The following SLC25A48 variants were observed in gnomAD, a reference collection of about 807,000 sequenced individuals.
SLC25A48 encodes CTC-321K16.1.
SLC25A48 carries 29 observed loss-of-function variants against 32.2 expected under a neutral mutation model. The ratio of observed to expected loss-of-function variants is 0.90; its 90% CI spans 0.67 to 1.23. The LOEUF is 1.23. SLC25A48 is among the 50% of genes most tolerant of loss of function. The pLI is 0.00. For missense variants in SLC25A48, 399 were observed against 422.7 expected, an observed-to-expected ratio of 0.94 and a Z score of 0.49; for synonymous variants, 164 against 172.3, an observed-to-expected ratio of 0.95 and a Z score of 0.38.
intron 3 of SLC25A48, among the ~76,000 whole-genome samples, chr5:135,645,551 G>A (rs1158067914): frequency 2.0e-5 from 3 of 152,178 alleles, no homozygotes; most frequent in Non-Finnish European, 4.4e-5. Context: ...ACATGGTTGC[G>A]CAAGTGCCCT....
intron 3 of SLC25A48, among the ~76,000 whole-genome samples, chr5:135,736,415 G>C (rs1755361373): frequency 6.6e-6 from 1 of 152,118 alleles, no homozygotes; most frequent in South Asian, 2.1e-4. Flanking sequence ...TCAGGTGTGA[G>C]TTGAGGAGGT....
In SLC25A48 at chr5:135,753,385, C is replaced by T. The variant is rs373781569; in HGVS notation, c.-520-59138C>T. ...CTCGAGGACGTTATGCTTAGTATCA[C>T]GGGCTGTACACACAGAGCGCAAACC... On this transcript the variant is annotated intron_variant, in intron 3 of 10. Transcript: ENST00000646290. 3.4e-4 allele frequency among the ~76,000 whole-genome samples: 52 copies of T among 151,968 alleles called. 1 individual carries two copies. The highest frequency in any genetic ancestry group is 9.8e-4 in the Admixed American group (15 of 15,256).
chr5:135,854,844 C>T lies in SLC25A48; in HGVS notation c.421+2023C>T, dbSNP rs186096205. ...CCTGTCTCCGCTTTCAACATGACTTCCTCACTAAGTTTAATCATCTCTAGC... is the reference window on the plus strand; with the variant it reads ...CCTGTCTCCGCTTTCAACATGACTTTCTCACTAAGTTTAATCATCTCTAGC... On this transcript the variant is annotated intron_variant, in intron 4 of 7. Coordinates refer to ENST00000681962, the MANE Select transcript of SLC25A48 (RefSeq NM_001349336.2). Among the ~76,000 whole-genome samples, 16 of 152,350 alleles carry T rather than the reference C, an allele frequency of 1.1e-4. No homozygotes were observed. In the East Asian group the frequency reaches 2.7e-3, roughly 26 times the overall value.
intron 3 of SLC25A48, among the ~76,000 whole-genome samples, chr5:135,731,468 GGAGA>G (rs772009853): frequency 2.6e-5 from 4 of 152,230 alleles, no homozygotes; most frequent in Non-Finnish European, 5.9e-5. Flanking sequence ...GGGGTGCTAT[GGAGA>G]GATAATGGGC....
chr5:135,694,193 T>A (rs541858972), intron 3 of SLC25A48, among the ~76,000 whole-genome samples: 5 of 152,272 alleles, frequency 3.3e-5, no homozygotes, highest in African/African-American at 1.2e-4. Context: ...GGCTTCTGGA[T>A]GAAACACCAC....
intron 3 of SLC25A48, among the ~76,000 whole-genome samples, chr5:135,759,233 A>G (rs570750236): frequency 6.6e-6 from 1 of 152,288 alleles, no homozygotes; most frequent in East Asian, 1.9e-4. Context: ...GTGTATATAT[A>G]TATGAAATAA....
chr5:135,823,930 G>GA (rs1230903606), intron 4 of SLC25A48, among the ~76,000 whole-genome samples: 21 of 152,216 alleles, frequency 1.4e-4, no homozygotes, highest in African/African-American at 4.6e-4. Flanking sequence ...AGAGTGAAGG[G>GA]AATATGAGTT....
chr5:135,824,476 C>T (rs1189057965), intron 4 of SLC25A48: 1 of 152,314 alleles, frequency 6.6e-6, no homozygotes, highest in Non-Finnish European at 1.5e-5. Context: ...GACCCAGGAC[C>T]CTTGTCCTCC....
At chr5:135,754,392 T>C (rs1485304375) in intron 3 of SLC25A48, among the ~76,000 whole-genome samples, 1 of 152,112 alleles carries the variant, frequency 6.6e-6, no homozygotes, top group Non-Finnish European at 1.5e-5. Flanking sequence ...AATATCCCTC[T>C]GGTATTTATC....
intron 3 of SLC25A48, among the ~76,000 whole-genome samples, chr5:135,699,368 A>G (rs1754336533): frequency 6.6e-6 from 1 of 150,920 alleles, no homozygotes; most frequent in African/African-American, 2.4e-5. Flanking sequence ...AACACCTGCA[A>G]CAATATGGAT....
intron 3 of SLC25A48, among the ~76,000 whole-genome samples, chr5:135,777,104 A>C (rs1756584124): frequency 6.6e-6 from 1 of 151,758 alleles, no homozygotes; most frequent in Non-Finnish European, 1.5e-5. Flanking sequence ...TATTGTTTTT[A>C]ATATCCAGGC....
At chr5:135,588,062 G>A (rs1751413212) in intron 1 of SLC25A48, among the ~76,000 whole-genome samples, 1 of 152,250 alleles carries the variant, frequency 6.6e-6, no homozygotes, top group African/African-American at 2.4e-5. Flanking sequence ...ACCACGGAAA[G>A]CAGGGCGGGT....
intron 7 of SLC25A48, among the ~76,000 whole-genome samples, chr5:135,884,086 C>T (rs1468172694): frequency 6.6e-6 from 1 of 152,214 alleles, no homozygotes; most frequent in Non-Finnish European, 1.5e-5. Flanking sequence ...ATCTATTTGC[C>T]ATCCCTGGCT....
chr5:135,759,404 G>A (rs1397001572), intron 3 of SLC25A48, among the ~76,000 whole-genome samples: 1 of 152,140 alleles, frequency 6.6e-6, no homozygotes, highest in Non-Finnish European at 1.5e-5. Flanking sequence ...GAGCATTTGA[G>A]TTGTTCCCTG....
chr5:135,683,471 T>G (rs2126952132), intron 3 of SLC25A48, among the ~76,000 whole-genome samples: 1 of 152,016 alleles, frequency 6.6e-6, no homozygotes, highest in African/African-American at 2.4e-5. Context: ...CATGTTGCAG[T>G]TCTGTATTTA....
intron 1 of SLC25A48, among the ~76,000 whole-genome samples, chr5:135,581,475 C>T (rs1007496492): frequency 1.3e-5 from 2 of 152,184 alleles, no homozygotes; most frequent in Non-Finnish European, 1.5e-5. Context: ...AAAGGAATTT[C>T]TTAAATACCA....
At chr5:135,841,287 T>C (rs1416578476) in intron 1 of SLC25A48, among the ~76,000 whole-genome samples, 2 of 152,244 alleles carry the variant, frequency 1.3e-5, no homozygotes, top group Admixed American at 6.5e-5. Context: ...GTTCTTCCTA[T>C]ATATGAATAC....
chr5:135,709,031 G>A (rs935941991), intron 3 of SLC25A48, among the ~76,000 whole-genome samples: 9 of 152,192 alleles, frequency 5.9e-5, no homozygotes, highest in South Asian at 2.1e-4. Context: ...ATTACAAAAT[G>A]TGGAAAACTC....
chr5:135,715,175 C>G (rs376750561), intron 3 of SLC25A48, among the ~76,000 whole-genome samples: 11 of 151,888 alleles, frequency 7.2e-5, no homozygotes, highest in African/African-American at 2.4e-4. Flanking sequence ...TGAGCCACTT[C>G]GAAAAAAACA....
Sources: allele counts gnomAD v4.1 joint callset (sites outside exome capture counted in the v4.1 genomes callset), GRCh38; gene constraint gnomAD v4.1.1; transcripts MANE v1.5; gene names NCBI Gene and HGNC (gene_info 2026-07-23, HGNC 2026-07-21).